SETMAR: variants seen among roughly 807,000 people sequenced by gnomAD.
SETMAR encodes SET and mariner transposase domain methyltransferase, also known as histone-lysine N-methyltransferase SETMAR.
A neutral mutation model predicts 58.4 loss-of-function variants in SETMAR; 44 were observed. The observed-to-expected ratio is 0.75, with a 90% CI of 0.59 to 0.97. The LOEUF (loss-of-function observed/expected upper bound fraction) is 0.97, where lower values mean the gene tolerates loss of function less well. Ranked by LOEUF, SETMAR falls within the 50% of genes least tolerant of loss-of-function variation. The pLI, the probability that SETMAR is intolerant of heterozygous loss-of-function variation, is 0.00. For synonymous variants in SETMAR, 332 were observed against 307.4 expected (o/e 1.08, Z -0.84); for missense variants, 903 against 840.2 (o/e 1.07, Z -0.92).
chr3:4,309,687 C>T (rs900892275), intron 1 of SETMAR, among the ~76,000 whole-genome samples: 17 of 152,270 alleles, frequency 1.1e-4, no homozygotes, highest in African/African-American at 3.1e-4. Flanking sequence ...GCCTCATCTA[C>T]GTGGCAGAAC....
intron 1 of SETMAR, among the ~76,000 whole-genome samples, chr3:4,309,558 G>A (rs1698322569): frequency 1.3e-5 from 2 of 152,114 alleles, no homozygotes; most frequent in Admixed American, 6.5e-5. Flanking sequence ...AGTCCAAGTG[G>A]TAACTATAGG....
intron 1 of SETMAR, among the ~76,000 whole-genome samples, chr3:4,308,045 T>C (rs1698260079): frequency 6.6e-6 from 1 of 151,980 alleles, no homozygotes; most frequent in Non-Finnish European, 1.5e-5. Context: ...AAAATCCCAT[T>C]CTCCGTGTCC....
At chr3:4,307,816 C>T (rs929519770) in intron 1 of SETMAR, among the ~76,000 whole-genome samples, 19 of 152,146 alleles carry the variant, frequency 1.2e-4, no homozygotes, top group Admixed American at 1.0e-3. Context: ...GCGGGAGAAT[C>T]ACTTGAAGTC....
At chr3:4,314,168 T>C (rs559624524) in intron 2 of SETMAR, 17 of 220,888 alleles carry the variant, frequency 7.7e-5, no homozygotes, top group African/African-American at 3.7e-4. Context: ...TCAACAAGGT[T>C]AAAAGGAGTC....
chr3:4,313,918 T>G, intron 2 of SETMAR, 157 bp downstream of exon 2: 2 of 1,341,640 alleles, frequency 1.5e-6, no homozygotes. Context: ...GTAATAGAAT[T>G]CTCCATTTAA....
Position 4,303,537 on chromosome 3 carries a change from G to C in SETMAR, c.156+11G>C. 1 of 1,370,652 alleles carries C rather than the reference G, an allele frequency of 7.3e-7. No individual in the cohort carries two copies. Among genetic ancestry groups the C allele is most frequent in the Non-Finnish European group, 9.4e-7 (1 of 1,065,514 alleles). 84.9% of individuals were successfully genotyped at this position (1,370,652 alleles called of 1,614,324 possible). A position where few individuals can be genotyped will look rare whatever the true frequency, so the allele number is the denominator to read the frequency against. On this transcript the variant is annotated intron_variant, in intron 1 of 2. Coordinates refer to ENST00000358065, the MANE Select transcript of SETMAR (RefSeq NM_006515.4). The stretch of plus-strand genomic sequence containing the variant: ...CCGGCGCCCTTCCAGGTAGGGGCGG[G>C]GCCAGGCGGCGCGGGAGGCGGGCGC...
chr3:4,313,405 C>T lies in SETMAR; in HGVS notation c.664C>T (p.Leu222Phe), dbSNP rs1242564294. ...PTYIGNIGRF[L>F]NHSCEPNLLM... Reference sequence around the variant, plus strand: ...TTATATAGGAAATATTGGAAGATTCCTTAATCATTCTTGTGAGCCAAACCT... The same window carrying T: ...TTATATAGGAAATATTGGAAGATTCTTTAATCATTCTTGTGAGCCAAACCT... Residue 222 changes from leucine (L) to phenylalanine (F), a missense_variant, in exon 2 of 3, where the codon CTT (leucine) becomes TTT (phenylalanine). Physicochemically the swap from Leu to Phe is conservative, Grantham distance 22 (BLOSUM62 0). Transcript: ENST00000358065. The T allele has an allele frequency of 6.2e-7, 1 of 1,613,814 alleles. No individual in the cohort carries two copies. The highest frequency in any genetic ancestry group is 1.3e-5 in the African/African-American group (1 of 74,898).
At position 4,316,929 on chromosome 3, in the gene SETMAR, A is replaced by G. The variant is rs1698684293; in HGVS notation, c.1738A>G (p.Arg580Gly). Residue 580 changes from arginine to glycine, a missense_variant, in exon 3 of 3, where the codon AGA (arginine) becomes GGA (glycine). Transcript: ENST00000358065. ...ACGCCTGCAGCTGGCATTGGTCAAC[A>G]GAAAGGGCCCAATTCTTCTCCACGA... The part of the protein sequence containing the change: ...LQRLQLALVN[R>G]KGPILLHDNA... The G allele has an allele frequency of 6.5e-6, 10 of 1,549,436 alleles. No individual in the cohort carries two copies. The highest frequency in any genetic ancestry group is 8.7e-6 in the Non-Finnish European group (10 of 1,146,756).
At chr3:4,310,178 T>A (rs908020954) in intron 1 of SETMAR, among the ~76,000 whole-genome samples, 1 of 152,188 alleles carries the variant, frequency 6.6e-6, no homozygotes, top group Admixed American at 6.5e-5. Context: ...CAAAAAGTCA[T>A]TATGCAGCAC....
chr3:4,311,176 C>A (rs1698390585), intron 1 of SETMAR, among the ~76,000 whole-genome samples: 1 of 152,204 alleles, frequency 6.6e-6, no homozygotes, highest in Admixed American at 6.5e-5. Context: ...TCATCTTTCA[C>A]AAGAGGATGT....
At position 4,316,291 on chromosome 3, in the gene SETMAR, A is replaced by G; in HGVS notation, c.1100A>G (p.Glu367Gly). ...FEFKMGRKAA[E>G]TTRNINNAFG... ...TTCAAAATGGGTCGTAAAGCAGCAG[A>G]AACAACTCGCAACATCAACAATGCA... The change falls in exon 3 of 3, where the codon GAA becomes GGA. Residue 367 changes from glutamate (E) to glycine (G), a missense_variant. By Grantham distance (98) the Glu-to-Gly change is moderately conservative. Coordinates refer to ENST00000358065, the MANE Select transcript of SETMAR (RefSeq NM_006515.4). The G allele has an allele frequency of 9.6e-7, 1 of 1,043,686 alleles. No homozygotes were observed. The highest frequency in any genetic ancestry group is 1.4e-6 in the Non-Finnish European group (1 of 697,766). The allele number at this position is 1,043,686 out of a possible 1,614,324, so 64.7% of individuals were successfully genotyped here.
In SETMAR at chr3:4,317,025, C is replaced by T. The variant is rs1431958962; in HGVS notation, c.1834C>T (p.His612Tyr). The change falls in exon 3 of 3, where the codon CAT becomes TAT. Residue 612 changes from histidine (H) to tyrosine (Y), a missense_variant. Physicochemically the swap from His to Tyr is moderately conservative, Grantham distance 83. Transcript: ENST00000358065. Reference protein sequence around the residue: ...LNELGYEVLPHPPYSPDLLPT... With the variant: ...LNELGYEVLPYPPYSPDLLPT... ...TGAATTGGGCTATGAAGTTTTGCCTCATCCACCGTATTCACCTGACCTCTT... is the reference window on the plus strand; with the variant it reads ...TGAATTGGGCTATGAAGTTTTGCCTTATCCACCGTATTCACCTGACCTCTT... 5 of 1,549,432 alleles carry T rather than the reference C, an allele frequency of 3.2e-6. No homozygotes were observed. The highest frequency in any genetic ancestry group is 4.4e-6 in the Non-Finnish European group (5 of 1,146,736).
intron 2 of SETMAR, chr3:4,314,020 A>C: frequency 1.7e-6 from 1 of 591,420 alleles, no homozygotes; most frequent in Admixed American, 3.4e-5. Context: ...AAAAATGACA[A>C]GTCCTTAAAT....
At chr3:4,315,049 T>C (rs1189877004) in intron 2 of SETMAR, among the ~76,000 whole-genome samples, 2 of 152,194 alleles carry the variant, frequency 1.3e-5, no homozygotes, top group African/African-American at 2.4e-5. Context: ...GGGTTTATAA[T>C]GTTCATATAA....
At chr3:4,306,560 A>T (rs1409960345) in intron 1 of SETMAR, among the ~76,000 whole-genome samples, 3 of 152,210 alleles carry the variant, frequency 2.0e-5, no homozygotes, top group Non-Finnish European at 4.4e-5. Context: ...TTACAAAAAT[A>T]AGACAGGATG....
At chr3:4,305,782 G>C (rs1423144735) in intron 1 of SETMAR, among the ~76,000 whole-genome samples, 1 of 152,126 alleles carries the variant, frequency 6.6e-6, no homozygotes, top group African/African-American at 2.4e-5. Flanking sequence ...GTAGGAATTT[G>C]GGCAAGATAA....
intron 1 of SETMAR, among the ~76,000 whole-genome samples, chr3:4,306,347 C>A (rs1265023061): frequency 1.3e-5 from 2 of 152,078 alleles, no homozygotes; most frequent in Non-Finnish European, 2.9e-5. Flanking sequence ...TCCATAAAAT[C>A]ATGAGGTTTT....
At position 4,303,497 on chromosome 3, in the gene SETMAR, C is replaced by T. The variant is rs1488906060; in HGVS notation, c.127C>T (p.Pro43Ser). 6 of 1,462,204 alleles carry T rather than the reference C, an allele frequency of 4.1e-6. No homozygotes were observed. The highest frequency in any genetic ancestry group is 3.0e-5 in the Admixed American group (1 of 33,022). 90.6% of individuals were successfully genotyped at this position (1,462,204 alleles called of 1,614,324 possible). Residue 43 changes from proline (P) to serine (S), a missense_variant, in exon 1 of 3, where the codon CCC becomes TCC. Pro to Ser is a moderately conservative substitution (Grantham distance 74). Coordinates refer to ENST00000358065, the MANE Select transcript of SETMAR (RefSeq NM_006515.4). ...GQENLPVGAW[P>S]PGAAPAPFQY... ...GGAAAACTTGCCGGTGGGCGCGTGGCCCCCGGGGGCCGCGCCGGCGCCCTT... is the reference window on the plus strand; with the variant it reads ...GGAAAACTTGCCGGTGGGCGCGTGGTCCCCGGGGGCCGCGCCGGCGCCCTT...
intron 2 of SETMAR, among the ~76,000 whole-genome samples, chr3:4,315,725 A>G (rs997955289): frequency 6.6e-6 from 1 of 152,150 alleles, no homozygotes; most frequent in East Asian, 1.9e-4. Flanking sequence ...TGATAAAATA[A>G]CATTTTTATA....
Sources: gnomAD v4.1 joint callset for allele counts (sites outside exome capture counted in the v4.1 genomes callset) on GRCh38, gnomAD v4.1.1 for gene constraint, MANE v1.5 for transcripts, NCBI Gene and HGNC (gene_info 2026-07-23, HGNC 2026-07-21) for gene names.